The following CACNA2D3 variants were observed in gnomAD, a reference collection of about 807,000 sequenced individuals.
CACNA2D3 encodes the protein calcium voltage-gated channel auxiliary subunit alpha2delta 3.
In CACNA2D3, 60 loss-of-function variants were observed where a neutral mutation model predicts 160.6. That is an observed-to-expected ratio of 0.37 (90% CI 0.30 to 0.46). The LOEUF (loss-of-function observed/expected upper bound fraction) is 0.46. CACNA2D3 is among the 20% of genes least tolerant of loss of function. The pLI, the probability that CACNA2D3 is intolerant of heterozygous loss-of-function variation, is 1.00. For synonymous variants in CACNA2D3, 558 were observed against 492.9 expected, an observed-to-expected ratio of 1.13 and a Z score of -1.75; for missense variants, 1,205 against 1,365.0, an observed-to-expected ratio of 0.88 and a Z score of 1.85.
chr3:54,457,834 ACTTT>A (rs1700427496), intron 4 of CACNA2D3, among the ~76,000 whole-genome samples: 1 of 152,018 alleles, frequency 6.6e-6, no homozygotes, highest in African/African-American at 2.4e-5. Flanking sequence ...TTACATAATG[ACTTT>A]CTTTGTCTCT....
intron 4 of CACNA2D3, among the ~76,000 whole-genome samples, chr3:54,435,647 C>G (rs1335716153): frequency 6.6e-6 from 1 of 152,090 alleles, no homozygotes; most frequent in Non-Finnish European, 1.5e-5. Context: ...AATCCAGAGT[C>G]CCATAATGTA....
intron 11 of CACNA2D3, among the ~76,000 whole-genome samples, chr3:54,752,372 G>A (rs186595480): frequency 1.1e-4 from 17 of 152,154 alleles, no homozygotes; most frequent in Non-Finnish European, 1.5e-4. Flanking sequence ...TTTGACTTGC[G>A]CACCAAAAAA....
chr3:54,842,413 A>G (rs1203527597), intron 16 of CACNA2D3, among the ~76,000 whole-genome samples: 1 of 152,140 alleles, frequency 6.6e-6, no homozygotes, highest in Non-Finnish European at 1.5e-5. Flanking sequence ...TTAAGTGGCA[A>G]ATGTCTAAAA....
At chr3:54,862,391 A>ACG (rs1699309856) in intron 17 of CACNA2D3, among the ~76,000 whole-genome samples, 1 of 151,902 alleles carries the variant, frequency 6.6e-6, no homozygotes, top group African/African-American at 2.4e-5. Context: ...ACACACACAC[A>ACG]CACACACACA....
chr3:54,531,285 G>C (rs6414584), intron 5 of CACNA2D3, among the ~76,000 whole-genome samples: 1 of 152,178 alleles, frequency 6.6e-6, no homozygotes, highest in African/African-American at 2.4e-5. Flanking sequence ...AACTTGGGCC[G>C]GGACTTACAG....
intron 2 of CACNA2D3, among the ~76,000 whole-genome samples, chr3:54,173,690 A>AT (rs1700615857): frequency 6.6e-6 from 1 of 152,238 alleles, no homozygotes; most frequent in Admixed American, 6.5e-5. Flanking sequence ...CGTCTAAAAG[A>AT]TTGAACAGGT....
chr3:54,819,848 A>C (rs572748565), intron 14 of CACNA2D3, among the ~76,000 whole-genome samples: 19 of 151,596 alleles, frequency 1.3e-4, no homozygotes, highest in East Asian at 5.8e-4. Context: ...CACCTCAAAA[A>C]ACACACACAC....
At chr3:54,673,866 C>T (rs866034743) in intron 11 of CACNA2D3, among the ~76,000 whole-genome samples, 1 of 152,194 alleles carries the variant, frequency 6.6e-6, no homozygotes, top group East Asian at 1.9e-4. Flanking sequence ...CCTTCACTCT[C>T]TCCTCTCCAC....
chr3:54,432,909 G>C (rs981331672), intron 4 of CACNA2D3, among the ~76,000 whole-genome samples: 1 of 151,990 alleles, frequency 6.6e-6, no homozygotes, highest in Non-Finnish European at 1.5e-5. Flanking sequence ...CTGGGTCTTG[G>C]TTTGATGTCA....
chr3:54,745,699 C>G (rs1223682352), intron 11 of CACNA2D3, among the ~76,000 whole-genome samples: 2 of 152,186 alleles, frequency 1.3e-5, no homozygotes, highest in African/African-American at 2.4e-5. Context: ...AGGTCGTAGT[C>G]TCTGGATGGC....
chr3:54,970,056 T>G (rs1028726102), intron 29 of CACNA2D3, among the ~76,000 whole-genome samples: 1 of 152,226 alleles, frequency 6.6e-6, no homozygotes, highest in Non-Finnish European at 1.5e-5. Context: ...AAATGTGCTT[T>G]AAATGTCTCA....
At chr3:54,793,580 T>A (rs1329871049) in intron 13 of CACNA2D3, among the ~76,000 whole-genome samples, 1 of 142,492 alleles carries the variant, frequency 7.0e-6, no homozygotes, top group Non-Finnish European at 1.6e-5. Flanking sequence ...CAACCACTCT[T>A]GGTGATGATG....
At chr3:54,204,374 C>T (rs1166462219) in intron 2 of CACNA2D3, among the ~76,000 whole-genome samples, 10 of 151,780 alleles carry the variant, frequency 6.6e-5, no homozygotes, top group African/African-American at 1.9e-4. Context: ...TTCTGTTTTC[C>T]GGAGAACCTT....
chr3:54,745,818 A>AT (rs910257442), intron 11 of CACNA2D3, among the ~76,000 whole-genome samples: 21 of 151,638 alleles, frequency 1.4e-4, no homozygotes, highest in South Asian at 4.2e-4. Context: ...CTGAATTGGA[A>AT]TTTTTTTTTC....
chr3:54,347,655 T>TAAAAAAA (rs769255368), intron 3 of CACNA2D3, among the ~76,000 whole-genome samples: 1 of 143,578 alleles, frequency 7.0e-6, no homozygotes, highest in South Asian at 2.2e-4. Context: ...TTGGTTGACT[T>TAAAAAAA]AAAAAAAAAA....
intron 3 of CACNA2D3, among the ~76,000 whole-genome samples, chr3:54,323,773 C>T (rs1020485298): frequency 5.3e-5 from 8 of 152,082 alleles, no homozygotes; most frequent in South Asian, 4.2e-4. Flanking sequence ...GCCCCCACCC[C>T]GCTATTTTCT....
In CACNA2D3 at chr3:54,923,852, G is replaced by A. The variant is rs555749900; in HGVS notation, c.2449+23984G>A. Among the ~76,000 whole-genome samples the A allele has an allele frequency of 1.2e-4, 18 of 152,282 alleles. 1 individual carries two copies. The South Asian group carries it at 3.7e-3, about 32-fold the overall frequency. On this transcript the variant is annotated intron_variant, in intron 27 of 37. Coordinates refer to ENST00000474759, the MANE Select transcript of CACNA2D3 (RefSeq NM_018398.3). Reference sequence around the variant, plus strand: ...ACAACAGGGGTTGGCAAACTTTTCTGTAAAGGGCCAGATAGACAATACAGC... The same window carrying A: ...ACAACAGGGGTTGGCAAACTTTTCTATAAAGGGCCAGATAGACAATACAGC...
intron 4 of CACNA2D3, among the ~76,000 whole-genome samples, chr3:54,405,362 A>G (rs1314994839): frequency 6.6e-6 from 1 of 152,042 alleles, no homozygotes; most frequent in Non-Finnish European, 1.5e-5. Flanking sequence ...TGTTACTGGC[A>G]AAAAGCAGAC....
intron 10 of CACNA2D3, among the ~76,000 whole-genome samples, chr3:54,636,364 G>A (rs1481548701): frequency 6.6e-6 from 1 of 151,992 alleles, no homozygotes; most frequent in Admixed American, 6.5e-5. Flanking sequence ...TAATGTGGGA[G>A]GCCGGATTGA....
Sources: gnomAD v4.1 joint callset for allele counts (sites outside exome capture counted in the v4.1 genomes callset) on GRCh38, gnomAD v4.1.1 for gene constraint, MANE v1.5 for transcripts, NCBI Gene and HGNC (gene_info 2026-07-23, HGNC 2026-07-21) for gene names.